Variants in LRIG3 observed in about 807,000 individuals in gnomAD.
The protein encoded by LRIG3 is leucine rich repeats and immunoglobulin like domains 3.
In LRIG3, 76 loss-of-function variants were observed where a neutral mutation model predicts 114.5. The ratio of observed to expected loss-of-function variants is 0.66; its 90% CI spans 0.55 to 0.80. The LOEUF is 0.80. LRIG3 is among the 30% of genes least tolerant of loss of function. The pLI, the probability that LRIG3 is intolerant of heterozygous loss-of-function variation, is 0.00. For synonymous variants in LRIG3, 512 were observed against 519.8 expected (o/e 0.98, Z 0.20); for missense variants, 1,239 against 1,382.8 (o/e 0.90, Z 1.65).
At chr12:58,895,838 G>C (rs1045568094) in intron 3 of LRIG3, among the ~76,000 whole-genome samples, 1 of 152,126 alleles carries the variant, frequency 6.6e-6, no homozygotes, top group East Asian at 1.9e-4. Flanking sequence ...TGCCCACTTG[G>C]GGGGCGAAAC....
In LRIG3 at chr12:58,881,042, C is replaced by T. The variant is rs1247160647; in HGVS notation, c.1481-141G>A. ...TATGTTTTCCAGATGGACTAGCCGT[C>T]CCCATGTTGAAATGATACACTGGGA... On this transcript the variant is annotated intron_variant, in intron 12 of 18. Coordinates refer to ENST00000320743, the MANE Select transcript of LRIG3 (RefSeq NM_153377.5). 1.7e-5 allele frequency: 12 copies of T among 722,430 alleles called. No individual in the cohort carries two copies. In the East Asian group the frequency reaches 3.1e-4, roughly 19 times the overall value. 44.8% of individuals were successfully genotyped at this position (722,430 alleles called of 1,614,324 possible). A position where few individuals can be genotyped will look rare whatever the true frequency, so the allele number is the denominator to read the frequency against.
Position 58,872,673 on chromosome 12 carries a change from C to G in LRIG3, c.3259G>C (p.Glu1087Gln). ...TTTTCTTCCTGAAAATCTGTCCTTT[C>G]TTTCCCATCTTCCTCTGACCCAGAG... Reference protein sequence around the residue: ...LDSGSEEDGKERTDFQEENHI... With the variant: ...LDSGSEEDGKQRTDFQEENHI... The change falls in exon 19 of 19, where the codon GAA (glutamate) becomes CAA (glutamine). Residue 1087 changes from glutamate (E) to glutamine (Q), a missense_variant. By Grantham distance (29) the Glu-to-Gln change is conservative. Coordinates refer to ENST00000320743, the MANE Select transcript of LRIG3 (RefSeq NM_153377.5). 1 of 1,614,104 alleles carries G rather than the reference C, an allele frequency of 6.2e-7. No homozygotes were observed. The highest frequency in any genetic ancestry group is 8.5e-7 in the Non-Finnish European group (1 of 1,179,990).
At chr12:58,886,303 G>T (rs1004876080) in intron 9 of LRIG3, among the ~76,000 whole-genome samples, 1 of 151,952 alleles carries the variant, frequency 6.6e-6, no homozygotes, top group Non-Finnish European at 1.5e-5. Flanking sequence ...GGACTATAGG[G>T]AGCTGAATTT....
At chr12:58,907,393 C>T (rs1872105604) in intron 3 of LRIG3, among the ~76,000 whole-genome samples, 1 of 152,184 alleles carries the variant, frequency 6.6e-6, no homozygotes, top group Admixed American at 6.5e-5. Flanking sequence ...AGAAGTTTTC[C>T]TGAAAATTCA....
chr12:58,876,640 G>A, intron 15 of LRIG3, 37 bp from the exon 16 acceptor site: 1 of 1,609,566 alleles, frequency 6.2e-7, no homozygotes, highest in Non-Finnish European at 8.5e-7. Flanking sequence ...AACCAAGGAT[G>A]ATCGTTAATT....
At chr12:58,880,521 A>C (rs746903627) in intron 13 of LRIG3, 60 bp downstream of exon 13, 1 of 1,518,460 alleles carries the variant, frequency 6.6e-7, no homozygotes, top group Non-Finnish European at 9.1e-7. Flanking sequence ...AGAGAAAAAC[A>C]GGTGCTTTCT....
intron 8 of LRIG3, 93 bp from the exon 9 acceptor site, chr12:58,886,983 A>G (rs368988288): frequency 3.5e-6 from 3 of 854,018 alleles, no homozygotes; most frequent in African/African-American, 3.5e-5. Flanking sequence ...AAAATTTCTC[A>G]TAATTCCCCA....
At chr12:58,914,367 C>T in intron 1 of LRIG3, 31 bp from the exon 2 acceptor site, 1 of 1,550,686 alleles carries the variant, frequency 6.4e-7, no homozygotes, top group Non-Finnish European at 8.9e-7. Flanking sequence ...AATTATAAGT[C>T]ATTTCTAAAA....
Position 58,872,518 on chromosome 12 carries a change from A to T in LRIG3, c.*54T>A. 2 of 1,481,704 alleles carry T rather than the reference A, an allele frequency of 1.3e-6. No homozygotes were observed. The highest frequency in any genetic ancestry group is 3.0e-5 in the South Asian group (2 of 67,738). 91.8% of individuals were successfully genotyped at this position (1,481,704 alleles called of 1,614,324 possible). On this transcript the variant is annotated 3_prime_UTR_variant, in exon 19 of 19. Coordinates refer to ENST00000320743, the MANE Select transcript of LRIG3 (RefSeq NM_153377.5). ...AAAACATAAGATTCTCTCTCTTTTAAATAAAAGTTCACTTGAGGTAGTATG... is the reference window on the plus strand; with the variant it reads ...AAAACATAAGATTCTCTCTCTTTTATATAAAAGTTCACTTGAGGTAGTATG...
At chr12:58,907,083 C>G (rs755100873) in intron 3 of LRIG3, among the ~76,000 whole-genome samples, 1 of 152,168 alleles carries the variant, frequency 6.6e-6, no homozygotes, top group African/African-American at 2.4e-5. Context: ...CTTCCCCTCA[C>G]GCTCCACACA....
chr12:58,901,974 G>A (rs898187905), intron 3 of LRIG3, among the ~76,000 whole-genome samples: 3 of 152,078 alleles, frequency 2.0e-5, no homozygotes, highest in South Asian at 2.1e-4. Flanking sequence ...ATGCAACAAC[G>A]CACTAAACTA....
intron 16 of LRIG3, 28 bp from the exon 17 acceptor site, chr12:58,874,601 T>A: frequency 6.2e-7 from 1 of 1,612,176 alleles, no homozygotes; most frequent in Non-Finnish European, 8.5e-7. Context: ...TAGTCAATGA[T>A]CCAATTATTC....
At chr12:58,874,831 G>A (rs1870863663) in intron 16 of LRIG3, among the ~76,000 whole-genome samples, 1 of 152,216 alleles carries the variant, frequency 6.6e-6, no homozygotes, top group Non-Finnish European at 1.5e-5. Flanking sequence ...AGCCAAAGCA[G>A]CCATGGTCTA....
chr12:58,873,994 C>T, intron 18 of LRIG3, 61 bp downstream of exon 18: 3 of 1,577,240 alleles, frequency 1.9e-6, no homozygotes, highest in South Asian at 2.3e-5. Flanking sequence ...TCATTGCTCT[C>T]TCACACACAA....
chr12:58,917,808 C>T (rs1302107126), intron 1 of LRIG3, among the ~76,000 whole-genome samples: 2 of 152,172 alleles, frequency 1.3e-5, no homozygotes, highest in Non-Finnish European at 2.9e-5. Context: ...ATATGGGGAA[C>T]AAAAACATGC....
Position 58,914,345 on chromosome 12 carries a change from A to G in LRIG3, c.237-9T>C. The G allele has an allele frequency of 6.2e-7, 1 of 1,603,076 alleles. No individual in the cohort carries two copies. Among genetic ancestry groups the G allele is most frequent in the Non-Finnish European group, 8.5e-7 (1 of 1,171,332 alleles). ...TGTTGTGACTTAAGTCCCTATAAGA[A>G]AACAAAAATAAAATTATAAGTCATT... On this transcript the variant is annotated splice_polypyrimidine_tract_variant and intron_variant, in intron 1 of 18. Transcript: ENST00000320743.
Position 58,886,865 on chromosome 12 carries a change from A to G in LRIG3, c.1117T>C (p.Trp373Arg), listed in dbSNP as rs749033985. The G allele has an allele frequency of 3.1e-6, 5 of 1,613,458 alleles. No homozygotes were observed. The highest frequency in any genetic ancestry group is 4.5e-5 in the East Asian group (2 of 44,864). ...GCACCATTCATGTCTTCAATAGTCC[A>G]GGAAATTTCATTGTTCTTCAGATCC... ...TLDLKNNEIS[W>R]TIEDMNGAFS... Residue 373 changes from tryptophan to arginine, a missense_variant, in exon 9 of 19, where the codon TGG becomes CGG. Transcript: ENST00000320743.
At chr12:58,882,836 T>G (rs771004702) in intron 12 of LRIG3, 33 bp downstream of exon 12, 2 of 1,548,692 alleles carry the variant, frequency 1.3e-6, no homozygotes, top group Admixed American at 2.0e-5. Context: ...AAAAGAAGAA[T>G]AAATAAAAGG....
intron 3 of LRIG3, among the ~76,000 whole-genome samples, chr12:58,892,557 T>A (rs905090509): frequency 1.3e-5 from 2 of 152,214 alleles, no homozygotes; most frequent in African/African-American, 4.8e-5. Context: ...AATCTTGTGC[T>A]GCAAGCTGAC....
Sources: allele counts gnomAD v4.1 joint callset (sites outside exome capture counted in the v4.1 genomes callset), GRCh38; gene constraint gnomAD v4.1.1; transcripts MANE v1.5; gene names NCBI Gene and HGNC (gene_info 2026-07-23, HGNC 2026-07-21).